Variants in TMEM71 observed in about 807,000 individuals in gnomAD.
TMEM71 encodes transmembrane protein 71.
In TMEM71, 44 loss-of-function variants were observed where a neutral mutation model predicts 38.0. That is an observed-to-expected ratio of 1.16 (90% CI 0.91 to 1.49). TMEM71 has a LOEUF of 1.49. TMEM71 is among the 40% of genes most tolerant of loss of function. TMEM71 has a pLI of 0.00. For synonymous variants in TMEM71, 133 were observed against 122.5 expected (o/e 1.09, Z -0.56); for missense variants, 367 against 348.6 (o/e 1.05, Z -0.42).
chr8:132,735,151 T>C (rs1827678247), intron 5 of TMEM71, among the ~76,000 whole-genome samples: 1 of 152,232 alleles, frequency 6.6e-6, no homozygotes, highest in East Asian at 1.9e-4. Flanking sequence ...TCACAGGCTC[T>C]GGGAACACAT....
chr8:132,767,784 G>C, the TMEM71 span, among the ~76,000 whole-genome samples: 23 of 152,210 alleles, frequency 1.5e-4, no homozygotes, highest in African/African-American at 5.3e-4. Context: ...CTAGCTCTTC[G>C]TTTTTGACTG....
At chr8:132,715,192 G>A (rs1339243655) in intron 7 of TMEM71, among the ~76,000 whole-genome samples, 4 of 151,762 alleles carry the variant, frequency 2.6e-5, no homozygotes, top group Non-Finnish European at 4.4e-5. Flanking sequence ...GGATCACGAG[G>A]TCAGGAGATT....
chr8:132,750,533 A>C (rs916100500), intron 4 of TMEM71, among the ~76,000 whole-genome samples: 1 of 152,176 alleles, frequency 6.6e-6, no homozygotes, highest in African/African-American at 2.4e-5. Flanking sequence ...CTTGATTCCA[A>C]CTGAAGCCAA....
chr8:132,755,417 C>T (rs556280448), intron 3 of TMEM71, among the ~76,000 whole-genome samples: 6 of 152,282 alleles, frequency 3.9e-5, no homozygotes, highest in East Asian at 1.9e-4. Flanking sequence ...TCGTTTTTAG[C>T]AGGTCCTTTC....
intron 3 of TMEM71, among the ~76,000 whole-genome samples, chr8:132,755,247 C>T (rs1398508035): frequency 6.6e-6 from 1 of 152,156 alleles, no homozygotes; most frequent in Non-Finnish European, 1.5e-5. Flanking sequence ...TATCTATCCT[C>T]TCTTGATTGT....
chr8:132,746,115 A>C (rs1043123212), intron 5 of TMEM71, among the ~76,000 whole-genome samples: 1 of 150,132 alleles, frequency 6.7e-6, no homozygotes, highest in African/African-American at 2.5e-5. Context: ...AAACCTCAAC[A>C]TCACATAATA....
At position 132,746,884 on chromosome 8, in the gene TMEM71, G is replaced by T; in HGVS notation, c.487+58C>A. The stretch of plus-strand genomic sequence containing the variant: ...ACTGACATTGGTTGAGGACCACAGG[G>T]TTACCACTGCCCACTTGGAGATAAA... On this transcript the variant is annotated intron_variant, in intron 5 of 9. Coordinates refer to ENST00000677595, the MANE Select transcript of TMEM71 (RefSeq NM_001382403.1). 8.3e-6 allele frequency: 12 copies of T among 1,442,486 alleles called. No homozygotes were observed. The South Asian group carries it at 1.6e-4, about 19-fold the overall frequency. 89.4% of individuals were successfully genotyped at this position (1,442,486 alleles called of 1,614,324 possible). A position where few individuals can be genotyped will look rare whatever the true frequency, so the allele number is the denominator to read the frequency against.
chr8:132,754,654 G>A (rs1828907620), intron 3 of TMEM71, among the ~76,000 whole-genome samples: 1 of 152,198 alleles, frequency 6.6e-6, no homozygotes, highest in Non-Finnish European at 1.5e-5. Flanking sequence ...AGGGTGGTAA[G>A]CTAAATATGT....
At chr8:132,753,383 T>C (rs998408536) in intron 3 of TMEM71, among the ~76,000 whole-genome samples, 4 of 152,200 alleles carry the variant, frequency 2.6e-5, no homozygotes, top group African/African-American at 9.7e-5. Context: ...CTTGATGTTT[T>C]CAGTAATTTC....
chr8:132,717,284 C>T (rs555292058), intron 7 of TMEM71, among the ~76,000 whole-genome samples: 8 of 152,176 alleles, frequency 5.3e-5, no homozygotes, highest in South Asian at 2.1e-4. Flanking sequence ...AGAATACATT[C>T]GACAGAGTGA....
In TMEM71 at chr8:132,727,814, A is replaced by G. The variant is rs767846120; in HGVS notation, c.660T>C (p.Asn220=). The G allele has an allele frequency of 1.7e-5, 27 of 1,611,544 alleles. No individual in the cohort carries two copies. Among genetic ancestry groups the G allele is most frequent in the Non-Finnish European group, 1.6e-5 (19 of 1,178,944 alleles). ...QLTASERFQE[N]SSDHSETRLL... ...TGAACTCACCTGAATGATCCGAACT[A>G]TTCTCTTGGAAACGTTCAGAAGCTG... Residue 220 remains asparagine, a synonymous_variant, in exon 6 of 10, where the codon AAT becomes AAC. Transcript: ENST00000677595.
At chr8:132,743,282 T>C (rs758013826) in intron 5 of TMEM71, among the ~76,000 whole-genome samples, 5 of 152,176 alleles carry the variant, frequency 3.3e-5, no homozygotes, top group Non-Finnish European at 7.3e-5. Flanking sequence ...AAGTCTTCTA[T>C]AGGCCATTCC....
At chr8:132,764,527 G>T (rs1320793152), upstream of TMEM71, among the ~76,000 whole-genome samples, 1 of 152,156 alleles carries the variant, frequency 6.6e-6, no homozygotes, top group Non-Finnish European at 1.5e-5. Flanking sequence ...GTAGGGTCTG[G>T]ACTTGACTAT....
chr8:132,733,991 AG>A (rs1030743163), intron 5 of TMEM71, among the ~76,000 whole-genome samples: 1 of 152,058 alleles, frequency 6.6e-6, no homozygotes, highest in African/African-American at 2.4e-5. Context: ...AGTGGCTGCC[AG>A]GGGATAGGGG....
At chr8:132,759,701 C>G (rs373465630) in intron 1 of TMEM71, among the ~76,000 whole-genome samples, 1 of 152,162 alleles carries the variant, frequency 6.6e-6, no homozygotes, top group Non-Finnish European at 1.5e-5. Context: ...TGATTCACCA[C>G]TTATGGCCAC....
chr8:132,742,864 T>TA lies in TMEM71; in HGVS notation c.487+4077dup, dbSNP rs1828122634. 3.3e-5 allele frequency among the ~76,000 whole-genome samples: 5 copies of TA among 152,292 alleles called. No homozygotes were observed. In the East Asian group the frequency reaches 9.6e-4, roughly 29 times the overall value. ...ACGAAAGAAAGAGGTTTAATGGACT[T>TA]ACAGTTCCACATGGCTAGGAAAGCC... On this transcript the variant is annotated intron_variant, in intron 5 of 9. Transcript: ENST00000677595.
the TMEM71 span, chr8:132,775,392 C>A: frequency 2.6e-6 from 1 of 378,972 alleles, no homozygotes; most frequent in Non-Finnish European, 4.6e-6. Flanking sequence ...CGCGTCAGGG[C>A]TGGCCGGCGG....
intron 7 of TMEM71, among the ~76,000 whole-genome samples, chr8:132,715,487 GT>G (rs1826477465): frequency 6.9e-6 from 1 of 144,714 alleles, no homozygotes; most frequent in Non-Finnish European, 1.5e-5. Flanking sequence ...TGCTTACAAA[GT>G]TAAACATAGA....
At chr8:132,764,526 G>A (rs544018421), upstream of TMEM71, among the ~76,000 whole-genome samples, 109 of 152,312 alleles carry the variant, frequency 7.2e-4, no homozygotes, top group African/African-American at 2.5e-3. Context: ...GGTAGGGTCT[G>A]GACTTGACTA....
Sources: allele counts gnomAD v4.1 joint callset (sites outside exome capture counted in the v4.1 genomes callset), GRCh38; gene constraint gnomAD v4.1.1; transcripts MANE v1.5; gene names NCBI Gene and HGNC (gene_info 2026-07-23, HGNC 2026-07-21).